WDR45B: variants seen among roughly 807,000 people sequenced by gnomAD.
The protein encoded by WDR45B is WD repeat domain 45B.
WDR45B carries 20 observed loss-of-function variants against 44.6 expected under a neutral mutation model. That is an observed-to-expected ratio of 0.45 (90% confidence interval 0.32 to 0.65). The LOEUF (loss-of-function observed/expected upper bound fraction) is 0.65. Ranked by LOEUF, WDR45B falls within the 30% of genes least tolerant of loss-of-function variation. The pLI is 0.05. For missense variants in WDR45B, 323 were observed against 430.2 expected, an observed-to-expected ratio of 0.75 and a Z score of 2.20; for synonymous variants, 169 against 164.9, an observed-to-expected ratio of 1.02 and a Z score of -0.19.
At chr17:82,636,714 G>T (rs1178954759) in intron 2 of WDR45B, 1 of 151,966 alleles carries the variant, frequency 6.6e-6, no homozygotes, top group East Asian at 1.9e-4. Context: ...CTTATCCTTT[G>T]TTCTCGAACT....
At chr17:82,629,734 G>C (rs1431546182) in intron 3 of WDR45B, 3 of 985,356 alleles carry the variant, frequency 3.0e-6, no homozygotes, top group Non-Finnish European at 3.6e-6. Flanking sequence ...GCTCTGCTGA[G>C]AACTGTGAGC....
chr17:82,623,006 A>C (rs1320734540), intron 5 of WDR45B, among the ~76,000 whole-genome samples: 1 of 152,242 alleles, frequency 6.6e-6, no homozygotes, highest in Non-Finnish European at 1.5e-5. Context: ...TTAGATGAAA[A>C]GCTACCAAAT....
At chr17:82,625,818 T>A in intron 4 of WDR45B, 1 of 332,028 alleles carries the variant, frequency 3.0e-6, no homozygotes, top group Non-Finnish European at 5.8e-6. Context: ...CTACTGTGTC[T>A]GGAAAAAATA....
Position 82,626,429 on chromosome 17 carries a change from G to A in WDR45B, c.332+775C>T, listed in dbSNP as rs536937732. Among the ~76,000 whole-genome samples, 8 of 149,872 alleles carry A rather than the reference G, an allele frequency of 5.3e-5. No individual in the cohort carries two copies. The East Asian group carries it at 1.0e-3, about 19-fold the overall frequency. The stretch of plus-strand genomic sequence containing the variant: ...GTGCGCCTGTAGTCCCAGCTACTCC[G>A]GAGGCTGAGGCAGGAATTGCTTGAA... On this transcript the variant is annotated intron_variant, in intron 4 of 9. Coordinates refer to ENST00000392325, the MANE Select transcript of WDR45B (RefSeq NM_019613.4).
At chr17:82,636,768 T>C (rs1456304034) in intron 2 of WDR45B, among the ~76,000 whole-genome samples, 2 of 152,058 alleles carry the variant, frequency 1.3e-5, no homozygotes, top group Non-Finnish European at 2.9e-5. Context: ...GTAAACAGCC[T>C]ACCCGCTTCC....
intron 2 of WDR45B, 40 bp from the exon 3 acceptor site, chr17:82,631,062 A>G (rs1168702252): frequency 2.6e-6 from 4 of 1,561,240 alleles, no homozygotes; most frequent in Non-Finnish European, 3.5e-6. Context: ...TTACAAGTTA[A>G]TATGTATATT....
At chr17:82,619,195 C>T (rs866342571) in intron 6 of WDR45B, 67 bp from the exon 7 acceptor site, 2 of 1,441,036 alleles carry the variant, frequency 1.4e-6, no homozygotes, top group African/African-American at 1.4e-5. Flanking sequence ...TTTGAAATGA[C>T]TCACATTCAC....
At chr17:82,633,771 C>G (rs1010935884) in intron 2 of WDR45B, among the ~76,000 whole-genome samples, 8 of 152,106 alleles carry the variant, frequency 5.3e-5, no homozygotes, top group African/African-American at 1.9e-4. Context: ...TCCCAGCACC[C>G]TGGGAGGCCA....
In WDR45B at chr17:82,614,627, C is replaced by T. The variant is rs536849433; in HGVS notation, c.*1292G>A. 6.6e-6 allele frequency: 1 copy of T among 152,622 alleles called. No homozygotes were observed. Among genetic ancestry groups the T allele is most frequent in the Admixed American group, 6.5e-5 (1 of 15,298 alleles). The allele number at this position is 152,622 out of a possible 1,614,324, so 9.5% of individuals were successfully genotyped here. On this transcript the variant is annotated 3_prime_UTR_variant, in exon 10 of 10. Transcript: ENST00000392325. ...AAAAGAAACATTACAAATAAGTGTG[C>T]AAAATTAAACATCATGATTAAATAC...
intron 7 of WDR45B, chr17:82,617,655 G>A: frequency 3.9e-6 from 2 of 509,840 alleles, no homozygotes; most frequent in Non-Finnish European, 7.3e-6. Flanking sequence ...CTGATGAGCT[G>A]TGTGTCTGGG....
chr17:82,616,173 C>G (rs186172539), intron 9 of WDR45B, 148 bp from the exon 10 acceptor site: 1 of 817,610 alleles, frequency 1.2e-6, no homozygotes, highest in Non-Finnish European at 2.0e-6. Flanking sequence ...CCACTGAATG[C>G]GTTCGGTCGG....
At chr17:82,646,842 C>T (rs1474125583) in intron 1 of WDR45B, among the ~76,000 whole-genome samples, 1 of 152,200 alleles carries the variant, frequency 6.6e-6, no homozygotes, top group East Asian at 1.9e-4. Context: ...CGGAGAAACC[C>T]CAGCACACAA....
chr17:82,620,824 G>C (rs755789215), intron 6 of WDR45B, among the ~76,000 whole-genome samples: 1 of 152,078 alleles, frequency 6.6e-6, no homozygotes, highest in Admixed American at 6.6e-5. Flanking sequence ...TTCTGACCTC[G>C]CAAATCAAAG....
Position 82,648,245 on chromosome 17 carries a change from G to A in WDR45B, c.67+29C>T, listed in dbSNP as rs765592380. The stretch of plus-strand genomic sequence containing the variant: ...CCCGGGCTGCGGGAAGGCCCGGCCG[G>A]GCAAGGCGACAGGGCCGCGCCTCCT... On this transcript the variant is annotated intron_variant, in intron 1 of 9. Coordinates refer to ENST00000392325, the MANE Select transcript of WDR45B (RefSeq NM_019613.4). 14 of 1,596,894 alleles carry A rather than the reference G, an allele frequency of 8.8e-6. No homozygotes were observed. In the African/African-American group the frequency reaches 1.1e-4, roughly 12 times the overall value.
Position 82,621,739 on chromosome 17 carries a change from G to A in WDR45B, c.488C>T (p.Thr163Met), listed in dbSNP as rs145918933. ...CAGGTCCACAAGCTGCACATGGCCC[G>A]TGTGCGTGCCCGGAAAGGCCAGGAG... Reference protein sequence around the residue: ...NSLLAFPGTHTGHVQLVDLAS... With the variant: ...NSLLAFPGTHMGHVQLVDLAS... Residue 163 changes from threonine (T) to methionine (M), a missense_variant, in exon 6 of 10, where the codon ACG (threonine) becomes ATG (methionine). Thr to Met is a moderately conservative substitution (Grantham distance 81, BLOSUM62 -1). Coordinates refer to ENST00000392325, the MANE Select transcript of WDR45B (RefSeq NM_019613.4). 30 of 1,614,076 alleles carry A rather than the reference G, an allele frequency of 1.9e-5. No individual in the cohort carries two copies. Among genetic ancestry groups the A allele is most frequent in the Admixed American group, 1.0e-4 (6 of 60,006 alleles).
At chr17:82,645,915 G>A (rs905451494) in intron 1 of WDR45B, among the ~76,000 whole-genome samples, 1 of 152,022 alleles carries the variant, frequency 6.6e-6, no homozygotes, top group Non-Finnish European at 1.5e-5. Context: ...AGGGTCAGGA[G>A]ATCAAGACCA....
chr17:82,634,150 C>CAAAAAAAAAAAAA lies in WDR45B; in HGVS notation c.143-3141_143-3129dup, dbSNP rs36183298. On this transcript the variant is annotated intron_variant, in intron 2 of 9. Coordinates refer to ENST00000392325, the MANE Select transcript of WDR45B (RefSeq NM_019613.4). Reference sequence around the variant, plus strand: ...TGGGTGACACAGTGAGACTCCATCTCAAAAAAAAAAAAAAAAAAAAAAAAG... The same window carrying CAAAAAAAAAAAAA: ...TGGGTGACACAGTGAGACTCCATCTCAAAAAAAAAAAAAAAAAAAAAAAAAAAAAAAAAAAAAG... Among the ~76,000 whole-genome samples, 17 of 31,904 alleles carry CAAAAAAAAAAAAA rather than the reference C, an allele frequency of 5.3e-4. 4 individuals carry two copies. The highest frequency in any genetic ancestry group is 1.2e-3 in the East Asian group (1 of 838). The allele number at this position is 31,904 out of a possible 152,430, so 20.9% of individuals were successfully genotyped here. A position where few individuals can be genotyped will look rare whatever the true frequency, so the allele number is the denominator to read the frequency against.
At chr17:82,634,594 A>G (rs977344399) in intron 2 of WDR45B, among the ~76,000 whole-genome samples, 3 of 152,032 alleles carry the variant, frequency 2.0e-5, no homozygotes, top group Admixed American at 6.6e-5. Context: ...ATACCCGCAC[A>G]CCCACGCTTG....
intron 6 of WDR45B, 133 bp downstream of exon 6, chr17:82,621,476 G>T: frequency 1.7e-6 from 2 of 1,150,792 alleles, no homozygotes; most frequent in Non-Finnish European, 2.6e-6. Flanking sequence ...GACCAGCCAG[G>T]TCCACAGGCC....
Sources: allele counts gnomAD v4.1 joint callset (sites outside exome capture counted in the v4.1 genomes callset), GRCh38; gene constraint gnomAD v4.1.1; transcripts MANE v1.5; gene names NCBI Gene and HGNC (gene_info 2026-07-23, HGNC 2026-07-21).